Variants in NAV2 observed in about 807,000 individuals in gnomAD.
NAV2 encodes the protein helicase, APC down-regulated 1.
Under a neutral mutation model 223.2 loss-of-function variants are expected in NAV2, and 54 were observed. The observed-to-expected ratio is 0.24, with a 90% CI of 0.19 to 0.30. The LOEUF (loss-of-function observed/expected upper bound fraction) is 0.30. Ranked by LOEUF, NAV2 falls within the 10% of genes least tolerant of loss-of-function variation. The pLI, the probability that NAV2 is intolerant of heterozygous loss-of-function variation, is 1.00. For missense variants in NAV2, 2,806 were observed against 3,147.5 expected, an observed-to-expected ratio of 0.89 and a Z score of 2.60; for synonymous variants, 1,279 against 1,239.3, an observed-to-expected ratio of 1.03 and a Z score of -0.67.
intron 26 of NAV2, among the ~76,000 whole-genome samples, chr11:20,084,234 A>G (rs919271999): frequency 3.3e-5 from 5 of 152,198 alleles, no homozygotes; most frequent in African/African-American, 9.7e-5. Flanking sequence ...AATAGCTGGG[A>G]CTACAGGCGC....
rs1260895959 is a variant in NAV2, at chr11:20,092,304, C to T, written c.5751C>T (p.Ala1917=). The T allele has an allele frequency of 6.2e-7, 1 of 1,614,218 alleles. No individual in the cohort carries two copies. Among genetic ancestry groups the T allele is most frequent in the East Asian group, 2.2e-5 (1 of 44,882 alleles). The change falls in exon 28 of 38, where the codon GCC becomes GCT. Residue 1917 remains alanine, a synonymous_variant. Coordinates refer to ENST00000349880, the MANE Select transcript of NAV2 (RefSeq NM_145117.5). ...SRAPSQVSIS[A]SPRQSMGLSQ... Reference sequence around the variant, plus strand: ...CTCCTTCCCAAGTGTCCATCTCTGCCTCCCCGAGGCAGTCCATGGGCCTCT... The same window carrying T: ...CTCCTTCCCAAGTGTCCATCTCTGCTTCCCCGAGGCAGTCCATGGGCCTCT...
intron 1 of NAV2, among the ~76,000 whole-genome samples, chr11:19,608,455 G>C (rs2046540964): frequency 6.6e-6 from 1 of 152,270 alleles, no homozygotes; most frequent in Non-Finnish European, 1.5e-5. Flanking sequence ...TTTTTCAGAG[G>C]AAGGGGCTTG....
intron 1 of NAV2, among the ~76,000 whole-genome samples, chr11:19,563,281 C>T (rs996010432): frequency 9.8e-5 from 15 of 152,340 alleles, no homozygotes; most frequent in African/African-American, 3.6e-4. Context: ...CCATCACTTC[C>T]CCAGTCTCTC....
intron 5 of NAV2, among the ~76,000 whole-genome samples, chr11:19,891,256 C>T (rs190081773): frequency 6.6e-6 from 1 of 152,318 alleles, no homozygotes; most frequent in Admixed American, 6.5e-5. Context: ...TAATGCTAGT[C>T]AGCTGAGGTT....
At chr11:20,090,534 G>A (rs2255305) in intron 26 of NAV2, among the ~76,000 whole-genome samples, 134,266 of 152,156 alleles carry the variant, frequency 0.88, 59,425 homozygotes, top group East Asian at 0.95. Flanking sequence ...AAAGACAAAA[G>A]TAGGAACTCA....
intron 3 of NAV2, among the ~76,000 whole-genome samples, chr11:19,846,241 C>T (rs896626591): frequency 6.6e-6 from 1 of 152,136 alleles, no homozygotes; most frequent in Admixed American, 6.5e-5. Flanking sequence ...GAAGGTTTTA[C>T]AAACAATCAT....
intron 1 of NAV2, among the ~76,000 whole-genome samples, chr11:19,647,453 C>A (rs1269043597): frequency 6.6e-6 from 1 of 152,112 alleles, no homozygotes; most frequent in Non-Finnish European, 1.5e-5. Context: ...AGTATCTGCC[C>A]ACCTCCCTCC....
chr11:19,844,422 G>A (rs1465200748), intron 3 of NAV2, among the ~76,000 whole-genome samples: 1 of 152,182 alleles, frequency 6.6e-6, no homozygotes, highest in Non-Finnish European at 1.5e-5. Flanking sequence ...GGTTTTGCGT[G>A]TTGTTAGAGT....
intron 1 of NAV2, among the ~76,000 whole-genome samples, chr11:19,674,196 T>C (rs528398472): frequency 2.0e-5 from 3 of 152,328 alleles, no homozygotes; most frequent in African/African-American, 7.2e-5. Context: ...CATCAGGAAC[T>C]CTTGAAGCCG....
At chr11:19,950,723 T>C (rs2047323339) in intron 10 of NAV2, among the ~76,000 whole-genome samples, 1 of 152,212 alleles carries the variant, frequency 6.6e-6, no homozygotes, top group Non-Finnish European at 1.5e-5. Context: ...GAAGGTTCAC[T>C]GGAAAATCAG....
At chr11:19,951,428 C>CTTT in intron 10 of NAV2, among the ~76,000 whole-genome samples, 2 of 94,634 alleles carry the variant, frequency 2.1e-5, no homozygotes, top group Admixed American at 2.3e-4. Flanking sequence ...TAGCATACAC[C>CTTT]TATTACAACT....
At chr11:19,410,522 T>C (rs1270434374) in intron 1 of NAV2, among the ~76,000 whole-genome samples, 2 of 152,214 alleles carry the variant, frequency 1.3e-5, no homozygotes, top group African/African-American at 4.8e-5. Flanking sequence ...CTGGCTAAGC[T>C]GGGATTTGAA....
At chr11:19,393,854 A>G (rs935630973) in intron 1 of NAV2, among the ~76,000 whole-genome samples, 3 of 138,232 alleles carry the variant, frequency 2.2e-5, no homozygotes, top group African/African-American at 8.1e-5. Flanking sequence ...TTGGCTCCAT[A>G]TTATTACTTC....
intron 2 of NAV2, among the ~76,000 whole-genome samples, chr11:19,841,817 G>A (rs555090640): frequency 2.8e-4 from 43 of 152,120 alleles, no homozygotes; most frequent in Non-Finnish European, 5.1e-4. Context: ...TATACAATAC[G>A]TATTATTGGG....
chr11:19,920,612 T>C (rs1389252603), intron 6 of NAV2, among the ~76,000 whole-genome samples: 1 of 152,220 alleles, frequency 6.6e-6, no homozygotes, highest in African/African-American at 2.4e-5. Context: ...AAGCACTTAG[T>C]ACAGTGCCTG....
At chr11:19,919,114 A>G (rs927144278) in intron 6 of NAV2, among the ~76,000 whole-genome samples, 19 of 152,184 alleles carry the variant, frequency 1.2e-4, no homozygotes, top group Non-Finnish European at 5.9e-5. Context: ...GATTCCGAAG[A>G]GAAATGTGGC....
intron 11 of NAV2, among the ~76,000 whole-genome samples, chr11:20,017,705 C>T: frequency 6.6e-6 from 1 of 152,162 alleles, no homozygotes; most frequent in East Asian, 1.9e-4. Context: ...TTTTCTACCC[C>T]AAAGCTGCCT....
chr11:19,946,016 T>A (rs113591881), intron 8 of NAV2, among the ~76,000 whole-genome samples: 2 of 152,248 alleles, frequency 1.3e-5, no homozygotes, highest in African/African-American at 4.8e-5. Flanking sequence ...ATATCACCAA[T>A]AGGTGAGAAA....
At chr11:19,577,053 A>G (rs925565228) in intron 1 of NAV2, among the ~76,000 whole-genome samples, 13 of 152,244 alleles carry the variant, frequency 8.5e-5, no homozygotes, top group African/African-American at 3.1e-4. Flanking sequence ...AGTGCCTTGC[A>G]CAATGAAAGC....
Sources: allele counts gnomAD v4.1 joint callset (sites outside exome capture counted in the v4.1 genomes callset), GRCh38; gene constraint gnomAD v4.1.1; transcripts MANE v1.5; gene names NCBI Gene and HGNC (gene_info 2026-07-23, HGNC 2026-07-21).